The following PPM1E variants were observed in gnomAD, a reference collection of about 807,000 sequenced individuals.
PPM1E encodes the protein protein phosphatase, Mg2+/Mn2+ dependent 1E.
PPM1E carries 20 observed loss-of-function variants against 65.9 expected under a neutral mutation model. That is an observed-to-expected ratio of 0.30 (90% CI 0.21 to 0.44). PPM1E has a LOEUF of 0.44. PPM1E is among the 20% of genes least tolerant of loss of function. The probability of loss-of-function intolerance (pLI) is 1.00; values close to 1 mark genes in which losing one functional copy is unlikely to be tolerated. For synonymous variants in PPM1E, 352 were observed against 374.9 expected (o/e 0.94, Z 0.70); for missense variants, 713 against 953.1 (o/e 0.75, Z 3.32).
At position 58,980,158 on chromosome 17, in the gene PPM1E, C is replaced by T; in HGVS notation, c.1395C>T (p.Ala465=). 1 of 1,614,032 alleles carries T rather than the reference C, an allele frequency of 6.2e-7. No homozygotes were observed. The highest frequency in any genetic ancestry group is 8.5e-7 in the Non-Finnish European group (1 of 1,180,008). ...ATAATGGAGACAGCAGCATGGTTGC[C>T]CACAAATTAGTGGCATCAGCTCGTG... ...KENNGDSSMV[A]HKLVASARDA... The change falls in exon 7 of 7, where the codon GCC becomes GCT. Residue 465 remains alanine (A), a synonymous_variant. Coordinates refer to ENST00000308249, the MANE Select transcript of PPM1E (RefSeq NM_014906.5). The surrounding 1 kb of genome is among the most constrained non-coding windows in gnomAD (Gnocchi z 4.7).
chr17:58,970,520 T>C (rs934832586), intron 4 of PPM1E, among the ~76,000 whole-genome samples: 13 of 152,150 alleles, frequency 8.5e-5, no homozygotes, highest in African/African-American at 1.4e-4. Flanking sequence ...ACATTAACTC[T>C]TTTTAAAATG....
In PPM1E at chr17:58,981,099, T is replaced by TA; in HGVS notation, c.*69dup. On this transcript the variant is annotated 3_prime_UTR_variant, in exon 7 of 7. Transcript: ENST00000308249. ...TACCACTATCAGAGTAGAAACAAGG[T>TA]AGACATTTCTAAAACATATGTGCTT... 9.0e-7 allele frequency: 1 copy of TA among 1,114,218 alleles called. No homozygotes were observed. The highest frequency in any genetic ancestry group is 1.3e-6 in the Non-Finnish European group (1 of 778,458). The allele number at this position is 1,114,218 out of a possible 1,614,324, so 69.0% of individuals were successfully genotyped here.
intron 1 of PPM1E, among the ~76,000 whole-genome samples, chr17:58,772,834 A>G (rs775692625): frequency 7.2e-5 from 11 of 152,168 alleles, no homozygotes; most frequent in Non-Finnish European, 1.3e-4. Flanking sequence ...TTTAAACTAA[A>G]AGTCACAGAC....
At chr17:58,759,098 A>G (rs1478311498) in intron 1 of PPM1E, among the ~76,000 whole-genome samples, 1 of 151,944 alleles carries the variant, frequency 6.6e-6, no homozygotes, top group Non-Finnish European at 1.5e-5. Context: ...CCACCAAAAT[A>G]AAACAAAAAA....
At chr17:58,846,514 T>C (rs954461436) in intron 1 of PPM1E, among the ~76,000 whole-genome samples, 7 of 152,136 alleles carry the variant, frequency 4.6e-5, no homozygotes, top group Non-Finnish European at 7.4e-5. Flanking sequence ...AGTGAGAACA[T>C]GTGGTGTTTG....
chr17:58,773,215 T>C (rs566705964), intron 1 of PPM1E, among the ~76,000 whole-genome samples: 1 of 152,226 alleles, frequency 6.6e-6, no homozygotes, highest in Non-Finnish European at 1.5e-5. Flanking sequence ...TTCAAGGACA[T>C]GTCTGGAGAG....
chr17:58,969,510 C>T, intron 3 of PPM1E, 29 bp from the exon 4 acceptor site: 1 of 1,611,584 alleles, frequency 6.2e-7, no homozygotes, highest in Non-Finnish European at 8.5e-7. Flanking sequence ...TACCCAACTC[C>T]CATAACTGTT....
In PPM1E at chr17:58,967,519, T is replaced by TATAG. The variant is rs781428896; in HGVS notation, c.783+1627_783+1628insTAGA. Among the ~76,000 whole-genome samples, 926 of 145,156 alleles carry TATAG rather than the reference T, an allele frequency of 6.4e-3. 7 individuals are homozygous for TATAG. The highest frequency in any genetic ancestry group is 0.023 in the African/African-American group (878 of 38,064). ...ATATATATGTGTATATATATATATATAGAGAGAGAGAGAGAGAGAGAGGGA... is the reference window on the plus strand; with the variant it reads ...ATATATATGTGTATATATATATATATATAGAGAGAGAGAGAGAGAGAGAGAGGGA... On this transcript the variant is annotated intron_variant, in intron 3 of 6. Coordinates refer to ENST00000308249, the MANE Select transcript of PPM1E (RefSeq NM_014906.5).
chr17:58,971,896 T>A (rs2030654711), intron 4 of PPM1E, among the ~76,000 whole-genome samples: 4 of 152,268 alleles, frequency 2.6e-5, no homozygotes, highest in Admixed American at 1.3e-4. Flanking sequence ...AAAGTGGAAT[T>A]AATAATCATC....
At chr17:58,937,966 C>A (rs905294153) in intron 1 of PPM1E, among the ~76,000 whole-genome samples, 1 of 151,328 alleles carries the variant, frequency 6.6e-6, no homozygotes, top group Admixed American at 6.6e-5. Flanking sequence ...CTAATGGATT[C>A]ACTGCAAGGA....
intron 1 of PPM1E, among the ~76,000 whole-genome samples, chr17:58,885,185 T>C (rs1264878107): frequency 2.0e-5 from 3 of 152,102 alleles, no homozygotes; most frequent in African/African-American, 7.2e-5. Context: ...GCCTCCTGAG[T>C]AGCTGGGATT....
intron 1 of PPM1E, among the ~76,000 whole-genome samples, chr17:58,766,956 G>A (rs957143769): frequency 6.6e-6 from 1 of 152,110 alleles, no homozygotes; most frequent in Non-Finnish European, 1.5e-5. Flanking sequence ...GGGTCACATG[G>A]AAAGTTAACT....
chr17:58,848,026 G>A (rs1226022337), intron 1 of PPM1E, among the ~76,000 whole-genome samples: 1 of 152,096 alleles, frequency 6.6e-6, no homozygotes, highest in African/African-American at 2.4e-5. Flanking sequence ...TATTCTCTTT[G>A]AAGCAATCGT....
At chr17:58,968,131 G>A (rs118004270) in intron 3 of PPM1E, among the ~76,000 whole-genome samples, 29 of 152,076 alleles carry the variant, frequency 1.9e-4, no homozygotes, top group East Asian at 1.7e-3. Flanking sequence ...TGTTTAATCC[G>A]TCCTTCATGT....
At chr17:58,883,952 A>T (rs1028867692) in intron 1 of PPM1E, among the ~76,000 whole-genome samples, 1 of 152,230 alleles carries the variant, frequency 6.6e-6, no homozygotes, top group African/African-American at 2.4e-5. Context: ...AAAAATAAAA[A>T]TAAAAAATTC....
rs543009131 is a variant in PPM1E at position 58,983,210 on chromosome 17, C to G, written c.*2179C>G. The G allele has an allele frequency of 3.3e-6, 1 of 307,190 alleles. No homozygotes were observed. Among genetic ancestry groups the G allele is most frequent in the Non-Finnish European group, 6.0e-6 (1 of 166,130 alleles). The allele number at this position is 307,190 out of a possible 1,614,324, so 19.0% of individuals were successfully genotyped here. A position where few individuals can be genotyped will look rare whatever the true frequency, so the allele number is the denominator to read the frequency against. Reference sequence around the variant, plus strand: ...GTTAACTCATTTCTCATGCCATTAGCTCTCTACAAAATAAAGCAAAGTAGT... The same window carrying G: ...GTTAACTCATTTCTCATGCCATTAGGTCTCTACAAAATAAAGCAAAGTAGT... On this transcript the variant is annotated 3_prime_UTR_variant, in exon 7 of 7. Transcript: ENST00000308249.
rs1039298805 is a variant in PPM1E at position 58,971,446 on chromosome 17, G to A, written c.973-686G>A. 2.9e-4 allele frequency among the ~76,000 whole-genome samples: 44 copies of A among 152,152 alleles called. 1 individual carries two copies. Among genetic ancestry groups the A allele is most frequent in the Non-Finnish European group, 1.2e-4 (8 of 68,034 alleles). On this transcript the variant is annotated intron_variant, in intron 4 of 6. Transcript: ENST00000308249. The stretch of plus-strand genomic sequence containing the variant: ...ATGGGGATGTCATTTTCGTATAGTA[G>A]GACCAAGAGCTTTAAGTACAGTCGT...
chr17:58,889,553 C>T (rs988960946), intron 1 of PPM1E, among the ~76,000 whole-genome samples: 6 of 152,096 alleles, frequency 3.9e-5, no homozygotes, highest in Non-Finnish European at 5.9e-5. Flanking sequence ...GAGCCGAGAC[C>T]GTGCCACTGC....
intron 1 of PPM1E, among the ~76,000 whole-genome samples, chr17:58,879,855 A>G (rs192420724): frequency 6.6e-6 from 1 of 152,074 alleles, no homozygotes; most frequent in South Asian, 2.1e-4. Flanking sequence ...TCCCACACAC[A>G]TTTCCAGAAC....
Sources: allele counts gnomAD v4.1 joint callset (sites outside exome capture counted in the v4.1 genomes callset), GRCh38; gene constraint gnomAD v4.1.1; non-coding constraint Gnocchi (gnomAD v3.1); transcripts MANE v1.5; gene names NCBI Gene and HGNC (gene_info 2026-07-23, HGNC 2026-07-21).